The following TTC28 variants were observed in gnomAD, a reference collection of about 807,000 sequenced individuals.
The protein encoded by TTC28 is tetratricopeptide repeat protein 28.
Under a neutral mutation model 198.0 loss-of-function variants are expected in TTC28, and 61 were observed. The observed-to-expected ratio is 0.31, with a 90% CI of 0.25 to 0.38. TTC28 has a LOEUF of 0.38. TTC28 is among the 10% of genes least tolerant of loss of function. The pLI, the probability that TTC28 is intolerant of heterozygous loss-of-function variation, is 1.00. For synonymous variants in TTC28, 1,171 were observed against 1,297.8 expected (o/e 0.90, Z 2.10); for missense variants, 2,678 against 3,164.0 (o/e 0.85, Z 3.69).
chr22:28,521,304 G>T (rs2048902994), intron 2 of TTC28, among the ~76,000 whole-genome samples: 1 of 151,966 alleles, frequency 6.6e-6, no homozygotes, highest in Non-Finnish European at 1.5e-5. Context: ...GCTATTAGGA[G>T]GCCAAGGCGA....
chr22:28,149,920 G>A (rs1230245774), intron 6 of TTC28, among the ~76,000 whole-genome samples: 1 of 152,198 alleles, frequency 6.6e-6, no homozygotes, highest in African/African-American at 2.4e-5. Context: ...AAAATGGTAA[G>A]TAGGTGAGCT....
chr22:28,403,020 C>T (rs1461915820), intron 2 of TTC28, among the ~76,000 whole-genome samples: 2 of 152,178 alleles, frequency 1.3e-5, no homozygotes, highest in Non-Finnish European at 2.9e-5. Flanking sequence ...ATCTCCCAGT[C>T]CCCAGAAGGT....
At chr22:28,425,797 G>A (rs534051090) in intron 2 of TTC28, among the ~76,000 whole-genome samples, 1 of 152,300 alleles carries the variant, frequency 6.6e-6, no homozygotes, top group Non-Finnish European at 1.5e-5. Flanking sequence ...TGGGAACAGA[G>A]TAAGGGCAAC....
At chr22:28,019,278 T>C (rs1016112819) in intron 13 of TTC28, among the ~76,000 whole-genome samples, 1 of 152,184 alleles carries the variant, frequency 6.6e-6, no homozygotes, top group Admixed American at 6.5e-5. Context: ...TTACTGATGA[T>C]CAATCCAACT....
intron 2 of TTC28, among the ~76,000 whole-genome samples, chr22:28,379,135 C>A (rs1262293893): frequency 6.6e-6 from 1 of 151,920 alleles, no homozygotes; most frequent in Non-Finnish European, 1.5e-5. Context: ...AATCTCTAGA[C>A]CTAGTGAAAA....
At chr22:28,057,341 G>A (rs1601569842) in intron 12 of TTC28, among the ~76,000 whole-genome samples, 1 of 152,130 alleles carries the variant, frequency 6.6e-6, no homozygotes, top group African/African-American at 2.4e-5. Context: ...GGAATGTAGT[G>A]GTATCTTCTT....
chr22:28,130,103 A>G (rs1943022832), intron 6 of TTC28, among the ~76,000 whole-genome samples: 2 of 152,248 alleles, frequency 1.3e-5, no homozygotes, highest in African/African-American at 2.4e-5. Flanking sequence ...TAAAACCTAC[A>G]AAAGAACCAC....
At chr22:28,509,958 A>C (rs1363907933) in intron 2 of TTC28, among the ~76,000 whole-genome samples, 1 of 152,144 alleles carries the variant, frequency 6.6e-6, no homozygotes, top group Non-Finnish European at 1.5e-5. Context: ...GGACACATGC[A>C]CTCTCCAAAA....
At chr22:28,596,143 A>G (rs373773807) in intron 2 of TTC28, among the ~76,000 whole-genome samples, 1 of 152,230 alleles carries the variant, frequency 6.6e-6, no homozygotes, top group Non-Finnish European at 1.5e-5. Context: ...TTAGGCAGTT[A>G]TATTCAAGTT....
intron 12 of TTC28, among the ~76,000 whole-genome samples, chr22:28,081,959 G>A (rs1750870296): frequency 6.6e-6 from 1 of 151,948 alleles, no homozygotes; most frequent in Non-Finnish European, 1.5e-5. Context: ...TCAGTATATG[G>A]GTCTTTCCCT....
chr22:28,671,117 A>T (rs2051873060), intron 1 of TTC28, among the ~76,000 whole-genome samples: 2 of 151,056 alleles, frequency 1.3e-5, no homozygotes, highest in Non-Finnish European at 3.0e-5. Flanking sequence ...ATTTTTTTCT[A>T]TTTTTTTTGT....
intron 6 of TTC28, among the ~76,000 whole-genome samples, chr22:28,159,834 C>G (rs1259612442): frequency 6.6e-6 from 1 of 151,982 alleles, no homozygotes; most frequent in Admixed American, 6.5e-5. Flanking sequence ...AACAGATGAA[C>G]AGATAAAGAA....
At chr22:28,314,639 C>A (rs1048836646) in intron 2 of TTC28, among the ~76,000 whole-genome samples, 1 of 152,112 alleles carries the variant, frequency 6.6e-6, no homozygotes, top group Non-Finnish European at 1.5e-5. Context: ...GCATTGATCT[C>A]GCTGGGAGCT....
At chr22:28,426,288 C>A (rs958235812) in intron 2 of TTC28, among the ~76,000 whole-genome samples, 1 of 151,162 alleles carries the variant, frequency 6.6e-6, no homozygotes, top group Non-Finnish European at 1.5e-5. Context: ...AATGGCCCAA[C>A]CTAGTGGGGG....
chr22:28,382,072 ATAG>A (rs949023107), intron 2 of TTC28, among the ~76,000 whole-genome samples: 6 of 152,116 alleles, frequency 3.9e-5, no homozygotes, highest in African/African-American at 1.4e-4. Flanking sequence ...CCCAAACCCA[ATAG>A]TAGAACTTAA....
chr22:28,156,103 C>CA (rs1250116087), intron 6 of TTC28, among the ~76,000 whole-genome samples: 1 of 152,184 alleles, frequency 6.6e-6, no homozygotes, highest in Non-Finnish European at 1.5e-5. Flanking sequence ...GATGGTATGG[C>CA]AGGCTGAATA....
At chr22:28,128,896 C>T (rs377688286) in intron 6 of TTC28, among the ~76,000 whole-genome samples, 2 of 152,180 alleles carry the variant, frequency 1.3e-5, no homozygotes, top group East Asian at 3.9e-4. Context: ...GACCTAAACA[C>T]GAGATTTTAA....
At chr22:28,165,744 T>C (rs1921856900) in intron 5 of TTC28, among the ~76,000 whole-genome samples, 1 of 152,046 alleles carries the variant, frequency 6.6e-6, no homozygotes, top group Non-Finnish European at 1.5e-5. Context: ...GCAAAGACCA[T>C]CCAGGCTAGG....
intron 2 of TTC28, among the ~76,000 whole-genome samples, chr22:28,573,133 A>C (rs1388475202): frequency 1.9e-4 from 29 of 151,124 alleles, no homozygotes. Flanking sequence ...AAAAAAAAAA[A>C]AAACAAGTAC....
Sources: allele counts gnomAD v4.1 joint callset (sites outside exome capture counted in the v4.1 genomes callset), GRCh38; gene constraint gnomAD v4.1.1; transcripts MANE v1.5; gene names NCBI Gene and HGNC (gene_info 2026-07-23, HGNC 2026-07-21).